The following EPHB2 variants were observed in gnomAD, a reference collection of about 807,000 sequenced individuals.
The protein encoded by EPHB2 is ephrin type-B receptor 2.
Under a neutral mutation model 96.4 loss-of-function variants are expected in EPHB2, and 18 were observed. The ratio of observed to expected loss-of-function variants is 0.19; its 90% CI spans 0.13 to 0.28. The LOEUF is 0.28. EPHB2 is among the 10% of genes least tolerant of loss of function. The pLI is 1.00. For missense variants in EPHB2, 989 were observed against 1,355.4 expected (o/e 0.73, Z 4.25); for synonymous variants, 506 against 534.1 (o/e 0.95, Z 0.72).
At position 22,857,466 on chromosome 1, in the gene EPHB2, C is replaced by T. The variant is rs72871527; in HGVS notation, c.812-5571C>T. 5.1e-3 allele frequency among the ~76,000 whole-genome samples: 775 copies of T among 152,028 alleles called. 4 individuals are homozygous for T. The highest frequency in any genetic ancestry group is 0.015 in the African/African-American group (628 of 41,458). On this transcript the variant is annotated intron_variant, in intron 3 of 15. Transcript: ENST00000374630. ...GGCAAAGGGACCAGCATATGTGGCC[C>T]GATGTCCAGGGAGCTGCAAGCAGAT... is the stretch of plus-strand genomic sequence containing the variant.
intron 3 of EPHB2, among the ~76,000 whole-genome samples, chr1:22,823,393 A>G (rs187350073): frequency 6.6e-6 from 1 of 152,340 alleles, no homozygotes; most frequent in East Asian, 1.9e-4. Context: ...CTCTTCAGCC[A>G]GTGCCCTGTA....
intron 3 of EPHB2, among the ~76,000 whole-genome samples, chr1:22,803,843 G>A (rs968468563): frequency 1.3e-5 from 2 of 151,490 alleles, no homozygotes; most frequent in African/African-American, 2.4e-5. Flanking sequence ...GAGCCTAGGG[G>A]TTCTAGGCTG....
chr1:22,791,872 G>T (rs1472249155), intron 3 of EPHB2, among the ~76,000 whole-genome samples: 3 of 152,306 alleles, frequency 2.0e-5, no homozygotes, highest in Non-Finnish European at 4.4e-5. Flanking sequence ...GCGTGGAATT[G>T]TAGGGTCAAA....
intron 12 of EPHB2, 31 bp downstream of exon 12, chr1:22,908,199 C>T: frequency 6.2e-7 from 1 of 1,612,764 alleles, no homozygotes; most frequent in South Asian, 1.1e-5. Context: ...ACCGGAGTCA[C>T]AGAGCCAGAG....
rs1645773364 is a variant in EPHB2, at chr1:22,860,249, G to A, written c.812-2788G>A. ...TGAGAGGCTGAGGAGTGGGTGGAAAGAGCTTTCTAGATGCTGGCAGCGGGG... is the reference window on the plus strand; with the variant it reads ...TGAGAGGCTGAGGAGTGGGTGGAAAAAGCTTTCTAGATGCTGGCAGCGGGG... On this transcript the variant is annotated intron_variant, in intron 3 of 15. Coordinates refer to ENST00000374630, the MANE Select transcript of EPHB2 (RefSeq NM_017449.5). This position sits in a 1 kb window ranked among gnomAD's most constrained non-coding sequence, Gnocchi z 4.6. 6.6e-6 allele frequency among the ~76,000 whole-genome samples: 1 copy of A among 152,182 alleles called. No homozygotes were observed.
At position 22,882,459 on chromosome 1, in the gene EPHB2, C is replaced by T; in HGVS notation, c.1404C>T (p.Asp468=). Residue 468 remains aspartate, a synonymous_variant, in exon 6 of 16, where the codon GAC becomes GAT. Transcript: ENST00000374630. Reference sequence around the variant, plus strand: ...ACCAGCCCAATGGCGTGATCCTGGACTATGAGCTGCAGTACTATGAGAAGG... The same window carrying T: ...ACCAGCCCAATGGCGTGATCCTGGATTATGAGCTGCAGTACTATGAGAAGG... ...QPDQPNGVIL[D]YELQYYEKEL... 1 of 1,614,178 alleles carries T rather than the reference C, an allele frequency of 6.2e-7. No homozygotes were observed. Among genetic ancestry groups the T allele is most frequent in the Non-Finnish European group, 8.5e-7 (1 of 1,180,010 alleles).
At chr1:22,877,461 G>A (rs969034830) in intron 5 of EPHB2, among the ~76,000 whole-genome samples, 6 of 152,132 alleles carry the variant, frequency 3.9e-5, no homozygotes, top group Non-Finnish European at 5.9e-5. Flanking sequence ...TTTAGTTGAG[G>A]AGCAGGTTGC....
intron 7 of EPHB2, among the ~76,000 whole-genome samples, chr1:22,895,085 C>T (rs1326762446): frequency 6.6e-6 from 1 of 152,176 alleles, no homozygotes; most frequent in African/African-American, 2.4e-5. Flanking sequence ...CTTACTAAGT[C>T]ACTTTGCCTT....
At chr1:22,876,774 G>A (rs1043349194) in intron 5 of EPHB2, among the ~76,000 whole-genome samples, 15 of 152,210 alleles carry the variant, frequency 9.9e-5, no homozygotes, top group South Asian at 2.1e-4. Context: ...CCTTTTCTCC[G>A]CCGTTAATCC....
intron 6 of EPHB2, among the ~76,000 whole-genome samples, chr1:22,884,924 T>C (rs565868083): frequency 1.3e-5 from 2 of 152,318 alleles, no homozygotes; most frequent in Non-Finnish European, 2.9e-5. Context: ...TACCTCTACA[T>C]TGAGCTAGAA....
In EPHB2 at chr1:22,858,775, G is replaced by C. The variant is rs916266943; in HGVS notation, c.812-4262G>C. Among the ~76,000 whole-genome samples, 1 of 152,142 alleles carries C rather than the reference G, an allele frequency of 6.6e-6. No individual in the cohort carries two copies. The highest frequency in any genetic ancestry group is 1.5e-5 in the Non-Finnish European group (1 of 68,030). On this transcript the variant is annotated intron_variant, in intron 3 of 15. Transcript: ENST00000374630. The surrounding 1 kb of genome is among the most constrained non-coding windows in gnomAD (Gnocchi z 7.7). ...CACAGTAGACTTGGGATCAGAATTG[G>C]CCTCTGCTACTGAAGAGCTATGTCT...
rs547847014 is a variant in EPHB2, at chr1:22,909,772, A to T, written c.2502+601A>T. Among the ~76,000 whole-genome samples the T allele has an allele frequency of 3.3e-5, 5 of 152,302 alleles. No homozygotes were observed. In the East Asian group the frequency reaches 5.8e-4, roughly 18 times the overall value. On this transcript the variant is annotated intron_variant, in intron 13 of 15. Transcript: ENST00000374630. ...ATGAAGACAGGAAGGACTCGAAGAAACTTCTTACACAGGGAGGGTGACCCA... is the reference window on the plus strand; with the variant it reads ...ATGAAGACAGGAAGGACTCGAAGAATCTTCTTACACAGGGAGGGTGACCCA...
chr1:22,813,590 G>A (rs1030004700), intron 3 of EPHB2, among the ~76,000 whole-genome samples: 2 of 152,252 alleles, frequency 1.3e-5, no homozygotes, highest in Non-Finnish European at 2.9e-5. Flanking sequence ...TCAGCAGTAG[G>A]CACCACGAGG....
intron 3 of EPHB2, among the ~76,000 whole-genome samples, chr1:22,799,490 C>T (rs967869644): frequency 3.3e-5 from 5 of 152,172 alleles, no homozygotes; most frequent in Non-Finnish European, 7.3e-5. Flanking sequence ...TATGACAGAG[C>T]AAGTTGTGAA....
intron 1 of EPHB2, among the ~76,000 whole-genome samples, chr1:22,764,574 C>T (rs374335350): frequency 1.3e-5 from 2 of 152,034 alleles, no homozygotes; most frequent in Non-Finnish European, 2.9e-5. Flanking sequence ...GGTGAAACCC[C>T]GTCTCTACTA....
chr1:22,731,260 A>G (rs10917283), intron 1 of EPHB2, among the ~76,000 whole-genome samples: 64,549 of 152,004 alleles, frequency 0.42, 16,383 homozygotes, highest in East Asian at 0.87. Flanking sequence ...AGGGACAGAG[A>G]AGAGCCTGGC....
chr1:22,740,138 C>T (rs1363630790), intron 1 of EPHB2, among the ~76,000 whole-genome samples: 1 of 152,188 alleles, frequency 6.6e-6, no homozygotes, highest in African/African-American at 2.4e-5. Flanking sequence ...CCCTGGTGAT[C>T]CTGAGATCTT....
intron 3 of EPHB2, among the ~76,000 whole-genome samples, chr1:22,825,743 G>T (rs1645213963): frequency 6.6e-6 from 1 of 152,274 alleles, no homozygotes; most frequent in African/African-American, 2.4e-5. Flanking sequence ...GCAAGGCAAA[G>T]CAGGAACTAG....
chr1:22,807,424 T>C (rs1414399625), intron 3 of EPHB2, among the ~76,000 whole-genome samples: 1 of 152,176 alleles, frequency 6.6e-6, no homozygotes, highest in African/African-American at 2.4e-5. Context: ...TGGTCAGGCA[T>C]GACAAGGACA....
Sources: allele counts gnomAD v4.1 joint callset (sites outside exome capture counted in the v4.1 genomes callset), GRCh38; gene constraint gnomAD v4.1.1; non-coding constraint Gnocchi (gnomAD v3.1); transcripts MANE v1.5; gene names NCBI Gene and HGNC (gene_info 2026-07-23, HGNC 2026-07-21).